DEPTOR: variants seen among roughly 807,000 people sequenced by gnomAD.
DEPTOR encodes DEP domain-containing mTOR-interacting protein.
Under a neutral mutation model 41.6 loss-of-function variants are expected in DEPTOR, and 41 were observed. The ratio of observed to expected loss-of-function variants is 0.98; its 90% CI spans 0.77 to 1.28. The LOEUF (loss-of-function observed/expected upper bound fraction) is 1.28, where lower values mean the gene tolerates loss of function less well. Among genes scored for constraint, DEPTOR ranks in the 50% most tolerant of loss-of-function variants. The pLI, the probability that DEPTOR is intolerant of heterozygous loss-of-function variation, is 0.00. For missense variants in DEPTOR, 514 were observed against 527.9 expected, an observed-to-expected ratio of 0.97 and a Z score of 0.26; for synonymous variants, 195 against 192.3, an observed-to-expected ratio of 1.01 and a Z score of -0.12.
intron 3 of DEPTOR, among the ~76,000 whole-genome samples, chr8:119,950,131 C>T (rs572165944): frequency 2.6e-5 from 4 of 152,282 alleles, no homozygotes; most frequent in East Asian, 1.9e-4. Context: ...GTCGAAAGGA[C>T]GACCCTTTCC....
intron 8 of DEPTOR, among the ~76,000 whole-genome samples, chr8:120,023,659 A>G (rs1253236758): frequency 6.6e-6 from 1 of 152,208 alleles, no homozygotes; most frequent in Non-Finnish European, 1.5e-5. Context: ...TATGAGTGTC[A>G]TAAATCCTCC....
intron 3 of DEPTOR, among the ~76,000 whole-genome samples, chr8:119,937,167 C>T (rs1441078164): frequency 1.3e-5 from 2 of 152,050 alleles, no homozygotes; most frequent in East Asian, 1.9e-4. Flanking sequence ...TTTGGGAGGC[C>T]GAGGCAGGCG....
intron 4 of DEPTOR, among the ~76,000 whole-genome samples, chr8:119,967,087 T>G (rs764354867): frequency 1.3e-5 from 2 of 151,872 alleles, no homozygotes; most frequent in Non-Finnish European, 2.9e-5. Flanking sequence ...TTGTTTTGTT[T>G]TGTTTTTTTG....
At chr8:119,882,039 C>T (rs1156493680) in intron 1 of DEPTOR, among the ~76,000 whole-genome samples, 8 of 152,206 alleles carry the variant, frequency 5.3e-5, no homozygotes, top group African/African-American at 9.6e-5. Context: ...TACAGGCAAG[C>T]GCCACCACGC....
intron 4 of DEPTOR, among the ~76,000 whole-genome samples, chr8:119,981,444 C>T (rs1015659269): frequency 2.0e-5 from 3 of 151,778 alleles, no homozygotes; most frequent in Admixed American, 1.3e-4. Flanking sequence ...TCGTTTGAGG[C>T]CAGGAATTCA....
intron 1 of DEPTOR, among the ~76,000 whole-genome samples, chr8:119,916,865 C>T (rs2056305): frequency 0.72 from 109,272 of 152,148 alleles, 39,696 homozygotes; most frequent in East Asian, 0.95. Context: ...TTTATTTGGT[C>T]GGTTGTTTGT....
chr8:119,885,391 T>G (rs746233495), intron 1 of DEPTOR, among the ~76,000 whole-genome samples: 3 of 152,212 alleles, frequency 2.0e-5, no homozygotes, highest in Admixed American at 6.5e-5. Context: ...CTGACAATAA[T>G]AAAACTGTTT....
At chr8:119,964,262 A>G (rs1828527271) in intron 3 of DEPTOR, among the ~76,000 whole-genome samples, 1 of 152,132 alleles carries the variant, frequency 6.6e-6, no homozygotes, top group Non-Finnish European at 1.5e-5. Context: ...CACGCTGGTA[A>G]TCTTGGCACT....
chr8:119,873,935 T>C lies in DEPTOR; in HGVS notation c.89T>C (p.Met30Thr), dbSNP rs1017378341. The change falls in exon 1 of 9, where the codon ATG (methionine) becomes ACG (threonine). Residue 30 changes from methionine to threonine, a missense_variant. Transcript: ENST00000286234. ...GGAQQRELER[M>T]AEVLVTGEQL... Reference sequence around the variant, plus strand: ...GCGCAGCAAAGGGAGCTGGAGCGCATGGCTGAGGTCTTGGTCACCGGGGAA... The same window carrying C: ...GCGCAGCAAAGGGAGCTGGAGCGCACGGCTGAGGTCTTGGTCACCGGGGAA... The C allele has an allele frequency of 3.7e-6, 6 of 1,613,528 alleles. No individual in the cohort carries two copies. The highest frequency in any genetic ancestry group is 5.1e-6 in the Non-Finnish European group (6 of 1,179,826).
intron 1 of DEPTOR, among the ~76,000 whole-genome samples, chr8:119,922,352 A>T (rs1344591891): frequency 1.3e-5 from 2 of 152,214 alleles, no homozygotes; most frequent in Non-Finnish European, 2.9e-5. Context: ...TATATATAAC[A>T]AATTACATAG....
intron 1 of DEPTOR, among the ~76,000 whole-genome samples, chr8:119,881,375 T>C (rs1257700215): frequency 6.6e-6 from 1 of 151,806 alleles, no homozygotes; most frequent in Non-Finnish European, 1.5e-5. Flanking sequence ...TACAAAAAAA[T>C]TAGCTGGGGG....
intron 1 of DEPTOR, among the ~76,000 whole-genome samples, chr8:119,911,560 C>T (rs1483752606): frequency 2.6e-5 from 4 of 152,090 alleles, no homozygotes; most frequent in Non-Finnish European, 5.9e-5. Context: ...TCAGGTGATC[C>T]ACCCACCTCA....
chr8:119,964,515 CAAAAAAAAA>C (rs536731714), intron 3 of DEPTOR, among the ~76,000 whole-genome samples: 3 of 121,708 alleles, frequency 2.5e-5, no homozygotes, highest in African/African-American at 6.6e-5. Context: ...AAGCCCGTCT[CAAAAAAAAA>C]AAAAAAAAAA....
chr8:119,935,194 C>T (rs1240363045), intron 3 of DEPTOR, among the ~76,000 whole-genome samples: 1 of 152,170 alleles, frequency 6.6e-6, no homozygotes, highest in East Asian at 1.9e-4. Flanking sequence ...GCTTACAGCT[C>T]TCCACTTAAT....
At chr8:120,028,923 A>C (rs1214971815) in intron 8 of DEPTOR, among the ~76,000 whole-genome samples, 2 of 151,958 alleles carry the variant, frequency 1.3e-5, no homozygotes, top group African/African-American at 2.4e-5. Flanking sequence ...CATCTCTACT[A>C]AAAATACAAA....
chr8:119,916,783 A>G (rs896934581), intron 1 of DEPTOR, among the ~76,000 whole-genome samples: 4 of 152,232 alleles, frequency 2.6e-5, no homozygotes, highest in Non-Finnish European at 4.4e-5. Flanking sequence ...CAGAGGCATA[A>G]TTACTAACCC....
intron 8 of DEPTOR, among the ~76,000 whole-genome samples, chr8:120,020,214 A>G (rs1812678847): frequency 6.6e-6 from 1 of 152,088 alleles, no homozygotes; most frequent in Non-Finnish European, 1.5e-5. Context: ...CAGCCTCTCA[A>G]ATATAGCTGG....
chr8:119,995,268 T>C (rs1002739602), intron 4 of DEPTOR, among the ~76,000 whole-genome samples: 1 of 152,136 alleles, frequency 6.6e-6, no homozygotes, highest in African/African-American at 2.4e-5. Context: ...GCTGTAAAAC[T>C]TGTACTTTTC....
chr8:119,921,903 G>A (rs1026148244), intron 1 of DEPTOR, among the ~76,000 whole-genome samples: 3 of 151,730 alleles, frequency 2.0e-5, no homozygotes, highest in Non-Finnish European at 4.4e-5. Flanking sequence ...TGGGACTACA[G>A]GCACACACCA....
Sources: allele counts gnomAD v4.1 joint callset (sites outside exome capture counted in the v4.1 genomes callset), GRCh38; gene constraint gnomAD v4.1.1; transcripts MANE v1.5; gene names NCBI Gene and HGNC (gene_info 2026-07-23, HGNC 2026-07-21).